CNTN3: variants seen among roughly 807,000 people sequenced by gnomAD.
CNTN3 encodes contactin-3.
Under a neutral mutation model 119.1 loss-of-function variants are expected in CNTN3, and 60 were observed. The observed-to-expected ratio is 0.50, with a 90% CI of 0.41 to 0.62. CNTN3 has a LOEUF of 0.62. CNTN3 is among the 20% of genes least tolerant of loss of function. The pLI, the probability that CNTN3 is intolerant of heterozygous loss-of-function variation, is 0.00. For synonymous variants in CNTN3, 450 were observed against 438.7 expected (o/e 1.03, Z -0.32); for missense variants, 1,101 against 1,242.4 (o/e 0.89, Z 1.71).
intron 1 of CNTN3, among the ~76,000 whole-genome samples, chr3:74,546,090 G>C (rs1703911077): frequency 2.6e-5 from 4 of 152,032 alleles, no homozygotes; most frequent in Admixed American, 1.3e-4. Context: ...CCGCCTCCCA[G>C]GTTCATGCCA....
intron 3 of CNTN3, among the ~76,000 whole-genome samples, chr3:74,493,407 C>T (rs1393747115): frequency 2.6e-5 from 4 of 152,146 alleles, no homozygotes; most frequent in African/African-American, 9.7e-5. Flanking sequence ...AGAATATCTA[C>T]TCTGTCACAC....
intron 11 of CNTN3, among the ~76,000 whole-genome samples, chr3:74,341,054 C>T (rs1487320148): frequency 6.6e-6 from 1 of 152,098 alleles, no homozygotes; most frequent in Admixed American, 6.6e-5. Context: ...CAAAACCTAA[C>T]ACCTTCAGAA....
chr3:74,549,297 G>A (rs527622033), intron 1 of CNTN3, among the ~76,000 whole-genome samples: 12 of 152,176 alleles, frequency 7.9e-5, no homozygotes, highest in East Asian at 1.9e-4. Flanking sequence ...TCGCCCTTCC[G>A]TCACGATTGT....
chr3:74,299,746 C>T, intron 17 of CNTN3, 122 bp downstream of exon 17: 1 of 672,638 alleles, frequency 1.5e-6, no homozygotes, highest in East Asian at 2.9e-5. Context: ...GCAGCAGCAC[C>T]CACCAGCCAC....
chr3:74,343,868 A>T (rs889743958), intron 11 of CNTN3, among the ~76,000 whole-genome samples: 9 of 152,140 alleles, frequency 5.9e-5, no homozygotes, highest in African/African-American at 2.2e-4. Context: ...CTGCTGATAC[A>T]GGGACTGCGC....
intron 3 of CNTN3, among the ~76,000 whole-genome samples, chr3:74,494,804 G>A (rs116718505): frequency 0.011 from 1,641 of 152,128 alleles, 31 homozygotes; most frequent in African/African-American, 0.037. Context: ...ACACTTCACC[G>A]TTAAAGGTGT....
chr3:74,580,617 A>T (rs1164473074), intron 1 of CNTN3, among the ~76,000 whole-genome samples: 1 of 152,214 alleles, frequency 6.6e-6, no homozygotes, highest in African/African-American at 2.4e-5. Context: ...TGCCACATTA[A>T]CAAAACGTAA....
intron 1 of CNTN3, among the ~76,000 whole-genome samples, chr3:74,530,235 A>G (rs1703675099): frequency 6.6e-6 from 1 of 152,020 alleles, no homozygotes; most frequent in Non-Finnish European, 1.5e-5. Flanking sequence ...GGTCTGTAAC[A>G]GGATGCTCAT....
At chr3:74,304,209 A>T (rs1373621613) in intron 13 of CNTN3, among the ~76,000 whole-genome samples, 1 of 152,214 alleles carries the variant, frequency 6.6e-6, no homozygotes, top group East Asian at 1.9e-4. Flanking sequence ...ACAGATGGGA[A>T]ATGATTGATA....
At chr3:74,431,932 T>C (rs1701790169) in intron 4 of CNTN3, among the ~76,000 whole-genome samples, 1 of 152,214 alleles carries the variant, frequency 6.6e-6, no homozygotes, top group Non-Finnish European at 1.5e-5. Flanking sequence ...CACAATGCTA[T>C]TTGATGCTAT....
intron 13 of CNTN3, among the ~76,000 whole-genome samples, chr3:74,322,459 A>G (rs748843609): frequency 5.9e-5 from 9 of 152,194 alleles, no homozygotes; most frequent in Non-Finnish European, 1.2e-4. Context: ...CTACATATCT[A>G]TTAGATTGGC....
chr3:74,542,133 C>T (rs1703850931), intron 1 of CNTN3, among the ~76,000 whole-genome samples: 1 of 152,090 alleles, frequency 6.6e-6, no homozygotes, highest in African/African-American at 2.4e-5. Context: ...ATTTGGGAGG[C>T]TGAAGCAGGA....
chr3:74,543,783 C>G (rs1317630302), intron 1 of CNTN3, among the ~76,000 whole-genome samples: 5 of 152,082 alleles, frequency 3.3e-5, no homozygotes, highest in Non-Finnish European at 7.4e-5. Flanking sequence ...GCCCCATTTT[C>G]CCATTCTCAG....
chr3:74,608,466 A>G (rs1705028841), intron 1 of CNTN3, among the ~76,000 whole-genome samples: 1 of 152,144 alleles, frequency 6.6e-6, no homozygotes, highest in Non-Finnish European at 1.5e-5. Flanking sequence ...ACTTCCCATT[A>G]CTTCCTTGCA....
At chr3:74,336,344 T>C (rs1703396529) in intron 12 of CNTN3, among the ~76,000 whole-genome samples, 187 bp downstream of exon 12, 1 of 152,182 alleles carries the variant, frequency 6.6e-6, no homozygotes, top group Non-Finnish European at 1.5e-5. Flanking sequence ...TGCTCCCTGG[T>C]GCACACTGTG....
chr3:74,278,797 A>G (rs1288471671), intron 20 of CNTN3, among the ~76,000 whole-genome samples: 1 of 152,242 alleles, frequency 6.6e-6, no homozygotes, highest in Admixed American at 6.5e-5. Context: ...ATGGCAAAGC[A>G]ACAGTCAGCA....
chr3:74,521,612 T>C (rs1318283899), intron 1 of CNTN3, among the ~76,000 whole-genome samples: 1 of 151,804 alleles, frequency 6.6e-6, no homozygotes, highest in Non-Finnish European at 1.5e-5. Flanking sequence ...GAATTCCTAA[T>C]AAAGCATGCA....
intron 5 of CNTN3, among the ~76,000 whole-genome samples, chr3:74,404,294 A>AT (rs540603644): frequency 9.1e-4 from 138 of 152,218 alleles, no homozygotes; most frequent in African/African-American, 3.2e-3. Flanking sequence ...ACTTACAAAC[A>AT]TTTTTTTAAA....
rs1559667020 is a variant in CNTN3, at chr3:74,582,782, T to TG, written c.-81+31608_-81+31609insC. 4.5e-3 allele frequency among the ~76,000 whole-genome samples: 517 copies of TG among 115,752 alleles called. 5 individuals are homozygous for TG. The highest frequency in any genetic ancestry group is 0.014 in the African/African-American group (442 of 30,714). The allele number at this position is 115,752 out of a possible 152,430, so 75.9% of individuals were successfully genotyped here. A position where few individuals can be genotyped will look rare whatever the true frequency, so the allele number is the denominator to read the frequency against. On this transcript the variant is annotated intron_variant, in intron 1 of 22. Transcript: ENST00000263665. ...TACCCATCAAGTGCATGTGTATGCA[T>TG]TTGTGTGTGTGTGTGTGTGTGTGTG...
Sources: allele counts gnomAD v4.1 joint callset (sites outside exome capture counted in the v4.1 genomes callset), GRCh38; gene constraint gnomAD v4.1.1; transcripts MANE v1.5; gene names NCBI Gene and HGNC (gene_info 2026-07-23, HGNC 2026-07-21).